DAPK2: variants seen among roughly 807,000 people sequenced by gnomAD.
DAPK2 encodes the protein death-associated protein kinase 2.
DAPK2 carries 35 observed loss-of-function variants against 44.1 expected under a neutral mutation model. The ratio of observed to expected loss-of-function variants is 0.79; its 90% CI spans 0.61 to 1.05. The LOEUF is 1.05. Among genes scored for constraint, DAPK2 ranks in the 50% least tolerant of loss-of-function variants. The pLI is 0.00. For missense variants in DAPK2, 453 were observed against 483.2 expected, an observed-to-expected ratio of 0.94 and a Z score of 0.59; for synonymous variants, 174 against 182.6, an observed-to-expected ratio of 0.95 and a Z score of 0.38.
intron 3 of DAPK2, among the ~76,000 whole-genome samples, chr15:63,955,689 T>C (rs2077704547): frequency 6.6e-6 from 1 of 152,102 alleles, no homozygotes; most frequent in Admixed American, 6.6e-5. Context: ...CATCTCAGCC[T>C]CCCAACTAAC....
chr15:64,045,504 G>A (rs116519277), intron 1 of DAPK2, among the ~76,000 whole-genome samples: 12 of 152,292 alleles, frequency 7.9e-5, no homozygotes, highest in African/African-American at 2.9e-4. Flanking sequence ...GCACCTGCCC[G>A]CTTGCCCCCG....
At chr15:63,968,698 T>C (rs2078123902) in intron 3 of DAPK2, among the ~76,000 whole-genome samples, 1 of 152,224 alleles carries the variant, frequency 6.6e-6, no homozygotes, top group East Asian at 1.9e-4. Context: ...ATTATTTGCA[T>C]TGAAGCTGAA....
At chr15:63,967,685 T>G (rs544486865) in intron 3 of DAPK2, among the ~76,000 whole-genome samples, 2 of 152,210 alleles carry the variant, frequency 1.3e-5, no homozygotes, top group African/African-American at 4.8e-5. Context: ...AGCGAGACTC[T>G]GTCTCAAAAA....
At chr15:63,985,681 A>G (rs898980735) in intron 1 of DAPK2, among the ~76,000 whole-genome samples, 2 of 152,204 alleles carry the variant, frequency 1.3e-5, no homozygotes, top group Non-Finnish European at 2.9e-5. Flanking sequence ...TTGGCATCCA[A>G]ATCCCCCAGC....
At chr15:63,943,587 A>G (rs1351267201) in intron 3 of DAPK2, among the ~76,000 whole-genome samples, 1 of 151,982 alleles carries the variant, frequency 6.6e-6, no homozygotes, top group Non-Finnish European at 1.5e-5. Flanking sequence ...AATCTAGCCC[A>G]GGAGGCCGGG....
chr15:63,924,613 A>G (rs2079184728), intron 8 of DAPK2: 9 of 545,982 alleles, frequency 1.6e-5, no homozygotes, highest in Middle Eastern at 4.9e-4. Context: ...AATTTGAGAC[A>G]CACAAACTTA....
intron 1 of DAPK2, among the ~76,000 whole-genome samples, chr15:63,991,894 A>G (rs2078830706): frequency 6.6e-6 from 1 of 152,162 alleles, no homozygotes; most frequent in Non-Finnish European, 1.5e-5. Flanking sequence ...TGACCTATAA[A>G]TGGCCCCTGT....
At chr15:63,909,112 A>G (rs1357802286) in intron 10 of DAPK2, 1 of 152,308 alleles carries the variant, frequency 6.6e-6, no homozygotes, top group African/African-American at 2.4e-5. Context: ...TTTATAAAAC[A>G]GGAAATGAGT....
chr15:63,959,533 A>G (rs1434254618), intron 3 of DAPK2, among the ~76,000 whole-genome samples: 2 of 152,202 alleles, frequency 1.3e-5, no homozygotes, highest in African/African-American at 4.8e-5. Context: ...CGTCCCATCA[A>G]TACCTAGTTT....
chr15:64,018,936 T>C (rs962197806), intron 1 of DAPK2, among the ~76,000 whole-genome samples: 1 of 152,186 alleles, frequency 6.6e-6, no homozygotes, highest in Non-Finnish European at 1.5e-5. Flanking sequence ...TTTAGAGAAG[T>C]GACTTCTCCT....
intron 3 of DAPK2, among the ~76,000 whole-genome samples, chr15:63,955,710 G>C (rs1351105582): frequency 1.3e-5 from 2 of 152,104 alleles, no homozygotes; most frequent in Non-Finnish European, 2.9e-5. Context: ...TGGGACTACA[G>C]GCATGCACCA....
chr15:64,010,242 T>C (rs1421035025), intron 1 of DAPK2, among the ~76,000 whole-genome samples: 1 of 152,136 alleles, frequency 6.6e-6, no homozygotes, highest in Non-Finnish European at 1.5e-5. Context: ...CCACCAAAGT[T>C]TGAGAACCAC....
At chr15:63,932,938 G>A (rs563593391) in intron 4 of DAPK2, among the ~76,000 whole-genome samples, 84 of 152,324 alleles carry the variant, frequency 5.5e-4, no homozygotes, top group African/African-American at 2.0e-3. Flanking sequence ...TCCATCGTGT[G>A]AATGTGTATC....
chr15:64,044,522 G>A (rs1207968408), upstream of DAPK2, among the ~76,000 whole-genome samples: 6 of 152,120 alleles, frequency 3.9e-5, no homozygotes, highest in Non-Finnish European at 7.4e-5. Flanking sequence ...AGAGGAAGCT[G>A]AGATCCAGAA....
intron 1 of DAPK2, among the ~76,000 whole-genome samples, chr15:63,993,316 G>A (rs762992998): frequency 2.1e-4 from 32 of 152,214 alleles, no homozygotes; most frequent in Non-Finnish European, 3.5e-4. Flanking sequence ...AAAGTGGTAA[G>A]ATGACTTGGA....
At chr15:64,017,182 C>G (rs549231418) in intron 1 of DAPK2, among the ~76,000 whole-genome samples, 23 of 152,196 alleles carry the variant, frequency 1.5e-4, no homozygotes, top group African/African-American at 5.5e-4. Context: ...GACCTCAGTC[C>G]CCTAGGTACC....
At chr15:63,935,087 T>G (rs2077101332) in intron 4 of DAPK2, among the ~76,000 whole-genome samples, 1 of 115,898 alleles carries the variant, frequency 8.6e-6, no homozygotes, top group African/African-American at 2.8e-5. Flanking sequence ...AATCTTTGCC[T>G]TCTTTTTTTT....
chr15:64,021,193 T>A (rs1189424158), intron 1 of DAPK2, among the ~76,000 whole-genome samples: 1 of 152,196 alleles, frequency 6.6e-6, no homozygotes, highest in Non-Finnish European at 1.5e-5. Context: ...TCAGTGGGGT[T>A]CAGTCTCAGT....
chr15:63,970,278 C>A (rs1462069707), intron 3 of DAPK2, among the ~76,000 whole-genome samples: 6 of 152,226 alleles, frequency 3.9e-5, no homozygotes, highest in African/African-American at 1.4e-4. Flanking sequence ...TCTTCCCCAG[C>A]CACTCAGCAC....
Sources: allele counts gnomAD v4.1 joint callset (sites outside exome capture counted in the v4.1 genomes callset), GRCh38; gene constraint gnomAD v4.1.1; transcripts MANE v1.5; gene names NCBI Gene and HGNC (gene_info 2026-07-23, HGNC 2026-07-21).